EPM2A: variants seen among roughly 807,000 people sequenced by gnomAD.
EPM2A encodes the protein EPM2A glucan phosphatase, laforin.
In EPM2A, 21 loss-of-function variants were observed where a neutral mutation model predicts 26.5. That is an observed-to-expected ratio of 0.79 (90% CI 0.56 to 1.14). The LOEUF (loss-of-function observed/expected upper bound fraction) is 1.14, where lower values mean the gene tolerates loss of function less well. Ranked by LOEUF, EPM2A falls within the 50% of genes most tolerant of loss-of-function variation. The pLI is 0.00. For missense variants in EPM2A, 458 were observed against 440.8 expected (o/e 1.04, Z -0.35); for synonymous variants, 217 against 177.6 (o/e 1.22, Z -1.76).
chr6:145,414,975 G>A (rs1261389297), intron 4 of EPM2A, among the ~76,000 whole-genome samples: 1 of 151,922 alleles, frequency 6.6e-6, no homozygotes, highest in Non-Finnish European at 1.5e-5. Flanking sequence ...TTTTCCCCCC[G>A]TATCCTACTT....
intron 4 of EPM2A, among the ~76,000 whole-genome samples, chr6:145,486,488 C>T (rs1221081141): frequency 2.0e-5 from 3 of 151,956 alleles, no homozygotes; most frequent in Admixed American, 6.6e-5. Context: ...GGCAAATATC[C>T]CTAATACAAT....
intron 2 of EPM2A, among the ~76,000 whole-genome samples, chr6:145,596,789 A>AGAAGG (rs1356340277): frequency 1.3e-5 from 2 of 149,414 alleles, no homozygotes; most frequent in Non-Finnish European, 3.0e-5. Flanking sequence ...TATCATTTGG[A>AGAAGG]CTAGATTCTC....
At chr6:145,571,273 G>C (rs189435612) in intron 2 of EPM2A, among the ~76,000 whole-genome samples, 2 of 152,268 alleles carry the variant, frequency 1.3e-5, no homozygotes, top group East Asian at 3.9e-4. Context: ...TCACGTAGTT[G>C]ATGTTTTAAT....
chr6:145,441,924 C>A (rs1204317900), intron 4 of EPM2A, among the ~76,000 whole-genome samples: 2 of 152,074 alleles, frequency 1.3e-5, no homozygotes, highest in African/African-American at 4.8e-5. Flanking sequence ...ACCTAAGTCA[C>A]CCCTCGAATG....
At chr6:145,489,840 T>G (rs1054359268) in intron 4 of EPM2A, 22 of 1,447,964 alleles carry the variant, frequency 1.5e-5, no homozygotes, top group Middle Eastern at 1.7e-4. Context: ...CAGTTTGTAC[T>G]TCCACTGGCA....
At chr6:145,618,541 T>C (rs532019590) in intron 2 of EPM2A, among the ~76,000 whole-genome samples, 1 of 152,330 alleles carries the variant, frequency 6.6e-6, no homozygotes, top group African/African-American at 2.4e-5. Flanking sequence ...GTTGTTCTCA[T>C]GATAGTGAGT....
intron 4 of EPM2A, among the ~76,000 whole-genome samples, chr6:145,459,431 T>G (rs1036005847): frequency 6.6e-6 from 1 of 152,220 alleles, no homozygotes; most frequent in African/African-American, 2.4e-5. Context: ...AGAGAGAGGT[T>G]GTTTGTTTAT....
Position 145,554,459 on chromosome 6 carries a change from G to GATAGATAC in EPM2A, c.341-51885_341-51884insGTATCTAT, listed in dbSNP as rs1554250302. On this transcript the variant is annotated intron_variant, in intron 2 of 3. Transcript: ENST00000450221. ...AGATAGATAGATAGATAGATAGATA[G>GATAGATAC]ATAGATAGATACATAGACAGAGAGA... Among the ~76,000 whole-genome samples, 933 of 151,566 alleles carry GATAGATAC rather than the reference G, an allele frequency of 6.2e-3. 3 individuals are homozygous for GATAGATAC. Among genetic ancestry groups the GATAGATAC allele is most frequent in the Admixed American group, 0.012 (182 of 15,212 alleles).
At position 145,625,548 on chromosome 6, in the gene EPM2A, AAATTT is replaced by A. The variant is rs1242130703; in HGVS notation, c.*1863_*1867del. On this transcript the variant is annotated 3_prime_UTR_variant, in exon 4 of 4. Coordinates refer to ENST00000367519, the MANE Select transcript of EPM2A (RefSeq NM_005670.4). ...AAATTCACAGACCCACATAGTTTAA[AAATTT>A]AATTTTTAAGATTAAATTTTCACAA... The A allele has an allele frequency of 8.0e-6, 5 of 625,322 alleles. No homozygotes were observed. Among genetic ancestry groups the A allele is most frequent in the Non-Finnish European group, 1.4e-5 (5 of 345,496 alleles). The allele number at this position is 625,322 out of a possible 1,614,324, so 38.7% of individuals were successfully genotyped here. A position where few individuals can be genotyped will look rare whatever the true frequency, so the allele number is the denominator to read the frequency against.
chr6:145,482,141 A>G (rs1413923535), intron 4 of EPM2A, among the ~76,000 whole-genome samples: 2 of 152,184 alleles, frequency 1.3e-5, no homozygotes, highest in Non-Finnish European at 2.9e-5. Context: ...TTTCTCCTGA[A>G]AAATAAAAGC....
At chr6:145,410,129 G>A (rs1459526724) in intron 4 of EPM2A, among the ~76,000 whole-genome samples, 3 of 152,112 alleles carry the variant, frequency 2.0e-5, no homozygotes, top group African/African-American at 2.4e-5. Context: ...TAACACAATC[G>A]GGTATCCAAA....
chr6:145,491,250 G>C (rs1779751081), intron 4 of EPM2A: 1 of 368,548 alleles, frequency 2.7e-6, no homozygotes, highest in African/African-American at 2.1e-5. Context: ...GGGCTAGCCG[G>C]CCACTTCGGC....
intron 1 of EPM2A, among the ~76,000 whole-genome samples, chr6:145,702,243 C>T (rs923005421): frequency 6.6e-6 from 1 of 152,190 alleles, no homozygotes; most frequent in Admixed American, 6.5e-5. Context: ...TAATTTTTCA[C>T]ATTTCTTTAC....
At chr6:145,606,560 C>G (rs929378939) in intron 2 of EPM2A, among the ~76,000 whole-genome samples, 1 of 151,986 alleles carries the variant, frequency 6.6e-6, no homozygotes, top group Non-Finnish European at 1.5e-5. Context: ...TGAATATTTG[C>G]TTCATAGTTT....
chr6:145,565,812 G>A (rs1458656904), intron 2 of EPM2A, among the ~76,000 whole-genome samples: 1 of 152,148 alleles, frequency 6.6e-6, no homozygotes, highest in Non-Finnish European at 1.5e-5. Context: ...GAGCAGGTGA[G>A]CTGAATCCTC....
chr6:145,518,255 T>C (rs952985245), intron 2 of EPM2A, among the ~76,000 whole-genome samples: 30 of 152,202 alleles, frequency 2.0e-4, no homozygotes, highest in Non-Finnish European at 4.1e-4. Flanking sequence ...TGTTTTATGT[T>C]CTCAGCGAGA....
At chr6:145,649,744 T>A (rs1777739960) in intron 2 of EPM2A, among the ~76,000 whole-genome samples, 1 of 152,198 alleles carries the variant, frequency 6.6e-6, no homozygotes, top group Non-Finnish European at 1.5e-5. Flanking sequence ...ACAGCCACAC[T>A]CATTTGTTTA....
At chr6:145,402,986 G>C (rs1303513619) in intron 4 of EPM2A, among the ~76,000 whole-genome samples, 7 of 152,236 alleles carry the variant, frequency 4.6e-5, no homozygotes, top group Middle Eastern at 3.4e-3. Flanking sequence ...CAGTAGTGTA[G>C]AGAATTCTCA....
chr6:145,700,731 C>T (rs752107743), intron 1 of EPM2A, among the ~76,000 whole-genome samples: 1 of 152,124 alleles, frequency 6.6e-6, no homozygotes, highest in Non-Finnish European at 1.5e-5. Context: ...CATTTAATTC[C>T]ATCCTAACCC....
Sources: allele counts gnomAD v4.1 joint callset (sites outside exome capture counted in the v4.1 genomes callset), GRCh38; gene constraint gnomAD v4.1.1; transcripts MANE v1.5; gene names NCBI Gene and HGNC (gene_info 2026-07-23, HGNC 2026-07-21).